Variants in BCAR1 observed in about 807,000 individuals in gnomAD.
The protein encoded by BCAR1 is breast cancer anti-estrogen resistance protein 1.
A neutral mutation model predicts 67.6 loss-of-function variants in BCAR1; 30 were observed. The ratio of observed to expected loss-of-function variants is 0.44; its 90% CI spans 0.33 to 0.60. BCAR1 has a LOEUF of 0.60. Ranked by LOEUF, BCAR1 falls within the 20% of genes least tolerant of loss-of-function variation. BCAR1 has a pLI of 0.02. For missense variants in BCAR1, 1,313 were observed against 1,222.3 expected, an observed-to-expected ratio of 1.07 and a Z score of -1.11; for synonymous variants, 626 against 556.7, an observed-to-expected ratio of 1.12 and a Z score of -1.75.
At chr16:75,251,369 C>T (rs2151462474) in intron 1 of BCAR1, 102 bp downstream of exon 1, 2 of 1,423,102 alleles carry the variant, frequency 1.4e-6, no homozygotes, top group East Asian at 3.1e-5. Flanking sequence ...CGGCGGTTCC[C>T]AGGCCCCGCA....
At position 75,233,836 on chromosome 16, in the gene BCAR1, G is replaced by T. The variant is rs201219624; in HGVS notation, c.2100+10C>A. On this transcript the variant is annotated intron_variant, in intron 6 of 6. Transcript: ENST00000162330. ...GCAAAGCTGGGCCTTGCTCTGCTCC[G>T]GGGCCTCACCTGCTGCAACTCCAGC... 1 of 1,595,112 alleles carries T rather than the reference G, an allele frequency of 6.3e-7. No individual in the cohort carries two copies.
At chr16:75,238,479 C>G in intron 2 of BCAR1, 1 of 1,004,032 alleles carries the variant, frequency 1.0e-6, no homozygotes, top group Non-Finnish European at 1.2e-6. Context: ...CCCCTAGAGG[C>G]CCTCCCAATG....
At chr16:75,239,672 C>G (rs1420070395) in intron 2 of BCAR1, among the ~76,000 whole-genome samples, 1 of 152,168 alleles carries the variant, frequency 6.6e-6, no homozygotes, top group Non-Finnish European at 1.5e-5. Flanking sequence ...AAATGGAGCA[C>G]CACAGGAGCG....
intron 1 of BCAR1, chr16:75,263,442 CACTGCACTGCTCT>C (rs951363455): frequency 3.7e-5 from 36 of 985,168 alleles, no homozygotes; most frequent in Non-Finnish European, 4.1e-5. Context: ...AGCACACGAG[CACTGCACTGCTCT>C]ATGCCTGGAG....
intron 4 of BCAR1, chr16:75,236,508 T>C (rs2077140817): frequency 2.8e-6 from 1 of 360,114 alleles, no homozygotes; most frequent in Admixed American, 4.3e-5. Flanking sequence ...TCTGTGTGTA[T>C]TATCAGGGGA....
chr16:75,235,080 G>C lies in BCAR1; in HGVS notation c.1819C>G (p.Arg607Gly), dbSNP rs764233210. ...LHGNASLLFRRTKATAPGPEG... is the reference protein window; with the variant it reads ...LHGNASLLFRGTKATAPGPEG... Reference sequence around the variant, plus strand: ...GGCCCCGGGGCAGTGGCCTTGGTCCGTCTGAAGAGCAGTGAGGCATTGCCG... The same window carrying C: ...GGCCCCGGGGCAGTGGCCTTGGTCCCTCTGAAGAGCAGTGAGGCATTGCCG... Residue 607 changes from arginine to glycine, a missense_variant, in exon 5 of 7, where the codon CGG becomes GGG. Physicochemically the swap from Arg to Gly is moderately radical, Grantham distance 125. This residue lies in a region of BCAR1 where 1,272 missense variants were observed against 1,137.5 expected (regional missense o/e 1.12). Coordinates refer to ENST00000162330, the MANE Select transcript of BCAR1 (RefSeq NM_014567.5). 21 of 1,612,796 alleles carry C rather than the reference G, an allele frequency of 1.3e-5. No individual in the cohort carries two copies. The highest frequency in any genetic ancestry group is 1.6e-5 in the Non-Finnish European group (19 of 1,180,026).
At position 75,236,060 on chromosome 16, in the gene BCAR1, CCA is replaced by C. The variant is rs3833049; in HGVS notation, c.913-76_913-75del. The C allele has an allele frequency of 6.0e-3, 7,677 of 1,286,466 alleles. 3 individuals carry two copies. Among genetic ancestry groups the C allele is most frequent in the African/African-American group, 0.014 (911 of 66,750 alleles). 79.7% of individuals were successfully genotyped at this position (1,286,466 alleles called of 1,614,324 possible). A position where few individuals can be genotyped will look rare whatever the true frequency, so the allele number is the denominator to read the frequency against. ...CCCAGGGACTGGGGGCAGCACCCAGCCACACACACACACACACGTACACACAT... is the reference window on the plus strand; with the variant it reads ...CCCAGGGACTGGGGGCAGCACCCAGCCACACACACACACACGTACACACAT... On this transcript the variant is annotated intron_variant, in intron 4 of 6. Transcript: ENST00000162330.
intron 2 of BCAR1, among the ~76,000 whole-genome samples, chr16:75,239,600 G>A (rs2077266481): frequency 6.6e-6 from 1 of 152,172 alleles, no homozygotes; most frequent in Non-Finnish European, 1.5e-5. Context: ...CCCCTGACCT[G>A]GGTTGGCTCC....
Position 75,229,825 on chromosome 16 carries a change from T to A in BCAR1, c.2299A>T (p.Thr767Ser). The A allele has an allele frequency of 6.2e-7, 1 of 1,613,384 alleles. No homozygotes were observed. Reference protein sequence around the residue: ...TLTNAVDAFFTAVATNQPPKI... With the variant: ...TLTNAVDAFFSAVATNQPPKI... ...GGCGGCTGGTTGGTGGCCACGGCGG[T>A]AAAGAAGGCGTCCACGGCGTTGGTC... The change falls in exon 7 of 7, where the codon ACC becomes TCC. Residue 767 changes from threonine (T) to serine (S), a missense_variant. This residue lies in a region of BCAR1 where 1,272 missense variants were observed against 1,137.5 expected (regional missense o/e 1.12). Coordinates refer to ENST00000162330, the MANE Select transcript of BCAR1 (RefSeq NM_014567.5).
At chr16:75,243,152 C>T (rs2077409925) in intron 1 of BCAR1, 62 bp from the exon 2 acceptor site, 1 of 1,497,596 alleles carries the variant, frequency 6.7e-7, no homozygotes, top group African/African-American at 1.4e-5. Context: ...AGGGGCTCCC[C>T]AGCTCCTGCC....
chr16:75,230,124 G>A (rs1597149617), intron 6 of BCAR1, 101 bp from the exon 7 acceptor site: 12 of 1,404,090 alleles, frequency 8.5e-6, no homozygotes, highest in South Asian at 2.9e-5. Flanking sequence ...TAAAAGGGCC[G>A]CTACTCAGAG....
chr16:75,236,668 G>GGCCTCGCAACAGGCGGTTCT (rs1296916297), intron 4 of BCAR1: 4 of 951,326 alleles, frequency 4.2e-6, no homozygotes, highest in Admixed American at 7.1e-5. Context: ...TCATGGAGAA[G>GGCCTCGCAACAGGCGGTTCT]GCCTCGCAAC....
intron 1 of BCAR1, among the ~76,000 whole-genome samples, chr16:75,262,205 T>G (rs183397590): frequency 6.6e-6 from 1 of 152,108 alleles, no homozygotes; most frequent in Non-Finnish European, 1.5e-5. Context: ...GATCCCAGGC[T>G]CTGCACGGGG....
intron 1 of BCAR1, among the ~76,000 whole-genome samples, chr16:75,265,658 G>C (rs990497326): frequency 1.3e-5 from 2 of 151,908 alleles, no homozygotes; most frequent in Non-Finnish European, 2.9e-5. Context: ...AGGCCGGCTT[G>C]GGGGAGCCTC....
chr16:75,267,356 A>G (rs2078023101), intron 1 of BCAR1, among the ~76,000 whole-genome samples: 1 of 136,428 alleles, frequency 7.3e-6, no homozygotes, highest in Admixed American at 7.6e-5. Flanking sequence ...GTGCTCAGCA[A>G]GGCATTGTTG....
chr16:75,232,759 T>C (rs2076945258), intron 6 of BCAR1, among the ~76,000 whole-genome samples: 1 of 152,156 alleles, frequency 6.6e-6, no homozygotes, highest in South Asian at 2.1e-4. Context: ...TGCCAGGTAC[T>C]TCCCAGGCAT....
upstream of BCAR1, chr16:75,252,208 C>T (rs2077696987): frequency 6.5e-7 from 1 of 1,536,534 alleles, no homozygotes; most frequent in East Asian, 2.4e-5. Context: ...AGCTCTCGAC[C>T]CAGCGCTTTT....
chr16:75,252,406 A>G, upstream of BCAR1: 1 of 1,462,956 alleles, frequency 6.8e-7, no homozygotes, highest in Non-Finnish European at 9.0e-7. Context: ...GCACTGGGGG[A>G]ATGAGGGAGA....
At chr16:75,237,761 G>A (rs1056434491) in intron 2 of BCAR1, among the ~76,000 whole-genome samples, 3 of 152,184 alleles carry the variant, frequency 2.0e-5, no homozygotes, top group Admixed American at 6.5e-5. Flanking sequence ...AGGCCACGTC[G>A]GAGGCCTGGG....
Sources: allele counts gnomAD v4.1 joint callset (sites outside exome capture counted in the v4.1 genomes callset), GRCh38; gene constraint gnomAD v4.1.1; regional missense constraint gnomAD v4.1.1; transcripts MANE v1.5; gene names NCBI Gene and HGNC (gene_info 2026-07-23, HGNC 2026-07-21).